Variants in HEMK2 observed in about 807,000 individuals in gnomAD.
The protein encoded by HEMK2 is methyltransferase HEMK2.
chr21:28,862,410 C>T, the HEMK2 span, among the ~76,000 whole-genome samples: 4 of 121,722 alleles, frequency 3.3e-5, no homozygotes, highest in East Asian at 3.9e-4. Flanking sequence ...GAGGCCGAGG[C>T]GGGTGGATCA....
At chr21:28,611,357 A>G in the HEMK2 span, among the ~76,000 whole-genome samples, 9 of 152,226 alleles carry the variant, frequency 5.9e-5, no homozygotes, top group African/African-American at 1.7e-4. Context: ...ACTGAATGAT[A>G]GTAGTGACAT....
chr21:28,677,111 C>T, the HEMK2 span, among the ~76,000 whole-genome samples: 1,154 of 152,236 alleles, frequency 7.6e-3, 17 homozygotes, highest in African/African-American at 0.026. Flanking sequence ...TCGCCTCACC[C>T]GGTAAGCGCA....
chr21:28,607,784 C>T, the HEMK2 span, among the ~76,000 whole-genome samples: 5,106 of 151,860 alleles, frequency 0.034, 126 homozygotes, highest in African/African-American at 0.064. Flanking sequence ...ACAATATAGA[C>T]GATGAGATAA....
At chr21:28,741,214 T>A in the HEMK2 span, among the ~76,000 whole-genome samples, 1 of 152,108 alleles carries the variant, frequency 6.6e-6, no homozygotes, top group Admixed American at 6.6e-5. Context: ...ATCTCCAATG[T>A]CACACTCACA....
chr21:28,837,041 T>C, the HEMK2 span, among the ~76,000 whole-genome samples: 1 of 152,198 alleles, frequency 6.6e-6, no homozygotes. Flanking sequence ...CTGAAATTTA[T>C]AAAACAATTA....
chr21:28,597,679 G>A, the HEMK2 span, among the ~76,000 whole-genome samples: 4,491 of 152,246 alleles, frequency 0.029, 92 homozygotes, highest in Middle Eastern at 0.054. Context: ...ATGCACCAAG[G>A]ACACTTATCA....
At chr21:28,862,704 AAAG>A in the HEMK2 span, among the ~76,000 whole-genome samples, 5 of 152,154 alleles carry the variant, frequency 3.3e-5, no homozygotes, top group African/African-American at 9.7e-5. Context: ...CCAACTGCAG[AAAG>A]AAGGACTGTA....
chr21:28,578,053 T>G, the HEMK2 span, among the ~76,000 whole-genome samples: 13,224 of 152,242 alleles, frequency 0.087, 686 homozygotes, highest in South Asian at 0.18. Context: ...TAAGATCAAG[T>G]CTAAACTCCT....
chr21:28,746,350 C>CA, the HEMK2 span, among the ~76,000 whole-genome samples: 1 of 152,074 alleles, frequency 6.6e-6, no homozygotes, highest in Non-Finnish European at 1.5e-5. Flanking sequence ...GTGGGGGACT[C>CA]CTGTCTTTGC....
At chr21:28,814,351 G>A in the HEMK2 span, among the ~76,000 whole-genome samples, 1 of 151,664 alleles carries the variant, frequency 6.6e-6, no homozygotes, top group African/African-American at 2.4e-5. Context: ...AACACCAAAA[G>A]CAATGGCAAC....
the HEMK2 span, among the ~76,000 whole-genome samples, chr21:28,816,316 G>T: frequency 6.6e-6 from 1 of 152,198 alleles, no homozygotes; most frequent in South Asian, 2.1e-4. Flanking sequence ...TAGAATGTCA[G>T]TGTTAAAATT....
At chr21:28,854,487 T>C in the HEMK2 span, among the ~76,000 whole-genome samples, 3 of 151,228 alleles carry the variant, frequency 2.0e-5, no homozygotes, top group Non-Finnish European at 4.4e-5. Context: ...GGAATAGATA[T>C]ATCTATATAT....
At chr21:28,577,122 C>T in the HEMK2 span, 1 of 152,334 alleles carries the variant, frequency 6.6e-6, no homozygotes, top group African/African-American at 2.4e-5. Flanking sequence ...AATTAAGAAA[C>T]CCTGGCACAG....
the HEMK2 span, among the ~76,000 whole-genome samples, chr21:28,775,247 G>T: frequency 6.6e-6 from 1 of 152,144 alleles, no homozygotes; most frequent in Non-Finnish European, 1.5e-5. Context: ...CTCTAGAGAT[G>T]ATCATTTACT....
At chr21:28,884,226 T>G in the HEMK2 span, among the ~76,000 whole-genome samples, 1 of 152,230 alleles carries the variant, frequency 6.6e-6, no homozygotes, top group Non-Finnish European at 1.5e-5. Flanking sequence ...TGTAAATCTT[T>G]CTGGGCTATC....
chr21:28,630,489 T>C, the HEMK2 span, among the ~76,000 whole-genome samples: 2 of 152,236 alleles, frequency 1.3e-5, no homozygotes, highest in East Asian at 1.9e-4. Context: ...CATATGTTTA[T>C]AGCAGCACTA....
chr21:28,622,335 C>T, the HEMK2 span, among the ~76,000 whole-genome samples: 39 of 152,232 alleles, frequency 2.6e-4, no homozygotes, highest in African/African-American at 8.2e-4. Context: ...AGAGAGAACA[C>T]AAACAAATGG....
the HEMK2 span, among the ~76,000 whole-genome samples, chr21:28,861,901 C>A: frequency 2.9e-3 from 444 of 152,316 alleles, 1 homozygote; most frequent in African/African-American, 0.01. Context: ...CTGTTCCCGC[C>A]ACATTACGTT....
At chr21:28,728,567 A>T in the HEMK2 span, among the ~76,000 whole-genome samples, 1 of 152,222 alleles carries the variant, frequency 6.6e-6, no homozygotes, top group Non-Finnish European at 1.5e-5. Context: ...GGGAATGATT[A>T]AAAGCTACAG....
Sources: allele counts gnomAD v4.1 joint callset (sites outside exome capture counted in the v4.1 genomes callset), GRCh38; gene constraint gnomAD v4.1.1; transcripts MANE v1.5; gene names NCBI Gene and HGNC (gene_info 2026-07-23, HGNC 2026-07-21).